Variants in ROBO2 observed in about 807,000 individuals in gnomAD.
ROBO2 encodes the protein roundabout guidance receptor 2.
A neutral mutation model predicts 160.8 loss-of-function variants in ROBO2; 53 were observed. The ratio of observed to expected loss-of-function variants is 0.33; its 90% confidence interval spans 0.26 to 0.41. ROBO2 has a LOEUF of 0.41. Among genes scored for constraint, ROBO2 ranks in the 10% least tolerant of loss-of-function variants. The probability of loss-of-function intolerance (pLI) is 1.00; values close to 1 mark genes in which losing one functional copy is unlikely to be tolerated. For synonymous variants in ROBO2, 664 were observed against 611.7 expected (o/e 1.09, Z -1.26); for missense variants, 1,577 against 1,722.4 (o/e 0.92, Z 1.49).
intron 2 of ROBO2, among the ~76,000 whole-genome samples, chr3:76,040,167 T>A (rs183782895): frequency 3.2e-4 from 49 of 152,070 alleles, no homozygotes; most frequent in East Asian, 1.9e-3. Flanking sequence ...ATTTTAGCAA[T>A]TATTTTAAGG....
intron 2 of ROBO2, among the ~76,000 whole-genome samples, chr3:76,090,288 C>G (rs1351669093): frequency 6.6e-6 from 1 of 151,896 alleles, no homozygotes; most frequent in African/African-American, 2.4e-5. Context: ...TGGTGAAACT[C>G]CATCTCCAGT....
chr3:76,815,783 A>T (rs1209440208), intron 2 of ROBO2, among the ~76,000 whole-genome samples: 1 of 151,964 alleles, frequency 6.6e-6, no homozygotes, highest in Non-Finnish European at 1.5e-5. Context: ...AACAACTATA[A>T]TGATCTGTTT....
intron 5 of ROBO2, among the ~76,000 whole-genome samples, chr3:77,504,296 T>A (rs1008584723): frequency 6.6e-6 from 1 of 152,212 alleles, no homozygotes; most frequent in Non-Finnish European, 1.5e-5. Flanking sequence ...TTTATAAAGA[T>A]GATCTGGTTG....
rs9823868 is a variant in ROBO2, at chr3:76,727,172, T to G, written c.110-370842T>G. 8.0e-3 allele frequency among the ~76,000 whole-genome samples: 1,222 copies of G among 152,234 alleles called. 13 individuals carry two copies. The highest frequency in any genetic ancestry group is 0.026 in the African/African-American group (1,092 of 41,546). ...GTAACATAGAAAAAGCTGATGAACA[T>G]CTGTTTCTCTTTTCATGATGTTTTG... is the stretch of plus-strand genomic sequence containing the variant. On this transcript the variant is annotated intron_variant, in intron 2 of 26. Transcript: ENST00000487694.
chr3:76,047,663 G>C (rs1454280256), intron 2 of ROBO2, among the ~76,000 whole-genome samples: 2 of 152,208 alleles, frequency 1.3e-5, no homozygotes, highest in Non-Finnish European at 2.9e-5. Flanking sequence ...TTAATAAGAT[G>C]TAGATGTTCC....
intron 2 of ROBO2, among the ~76,000 whole-genome samples, chr3:77,252,831 A>AAAAAAAAATAT: frequency 4.0e-4 from 5 of 12,514 alleles, no homozygotes; most frequent in African/African-American, 7.9e-4. Flanking sequence ...AAAAAAAAAA[A>AAAAAAAAATAT]ATATATATAT....
In ROBO2 at chr3:76,209,457, G is replaced by A. The variant is rs908880488; in HGVS notation, c.109+271855G>A. Among the ~76,000 whole-genome samples, 7 of 151,822 alleles carry A rather than the reference G, an allele frequency of 4.6e-5. No individual in the cohort carries two copies. The East Asian group carries it at 5.8e-4, about 13-fold the overall frequency. ...GCAGCCAGTACATTATATAAATATC[G>A]AATAATTTATCTGTATGGTATAGGA... is the stretch of plus-strand genomic sequence containing the variant. On this transcript the variant is annotated intron_variant, in intron 2 of 26. Coordinates refer to the ROBO2 transcript ENST00000487694.
chr3:76,555,311 G>T, intron 2 of ROBO2, among the ~76,000 whole-genome samples: 1 of 148,834 alleles, frequency 6.7e-6, no homozygotes, highest in Non-Finnish European at 1.5e-5. Flanking sequence ...AGGTACCCAG[G>T]AGCATGTCAA....
chr3:77,158,033 T>C (rs12495280), intron 2 of ROBO2, among the ~76,000 whole-genome samples: 6,087 of 152,246 alleles, frequency 0.04, 172 homozygotes, highest in East Asian at 0.088. Flanking sequence ...GAAATGAATC[T>C]AATCTCATTC....
At chr3:77,394,211 G>A (rs1384414200) in intron 2 of ROBO2, among the ~76,000 whole-genome samples, 1 of 152,136 alleles carries the variant, frequency 6.6e-6, no homozygotes, top group East Asian at 1.9e-4. Context: ...TTTCCCTGCT[G>A]CCACTTAGAA....
intron 2 of ROBO2, among the ~76,000 whole-genome samples, chr3:76,746,542 G>T (rs2093895444): frequency 6.6e-6 from 1 of 152,048 alleles, no homozygotes; most frequent in South Asian, 2.1e-4. Flanking sequence ...GGTGTGAGAT[G>T]GTATCTCATT....
intron 2 of ROBO2, among the ~76,000 whole-genome samples, chr3:76,738,152 A>G (rs1353446539): frequency 6.6e-6 from 1 of 152,124 alleles, no homozygotes; most frequent in Non-Finnish European, 1.5e-5. Flanking sequence ...TAAAAAATAA[A>G]AAAAAGAGAA....
intron 2 of ROBO2, among the ~76,000 whole-genome samples, chr3:76,824,758 G>A (rs1222643146): frequency 9.2e-5 from 14 of 152,106 alleles, no homozygotes; most frequent in Admixed American, 5.9e-4. Flanking sequence ...TACTGCTTCC[G>A]AGGCTGAGAC....
intron 2 of ROBO2, among the ~76,000 whole-genome samples, chr3:77,427,476 T>G (rs1195358466): frequency 6.6e-6 from 1 of 152,226 alleles, no homozygotes; most frequent in African/African-American, 2.4e-5. Flanking sequence ...CACCTAGGAT[T>G]TGAACTCCTG....
intron 2 of ROBO2, among the ~76,000 whole-genome samples, chr3:76,079,597 C>T (rs2068752370): frequency 6.6e-6 from 1 of 151,658 alleles, no homozygotes; most frequent in African/African-American, 2.4e-5. Context: ...AATTCTCCCA[C>T]CTCAGCCTCC....
intron 2 of ROBO2, among the ~76,000 whole-genome samples, chr3:76,398,176 G>A (rs537531500): frequency 4.3e-4 from 66 of 152,036 alleles, no homozygotes; most frequent in African/African-American, 1.5e-3. Context: ...TCCTTTGTAG[G>A]GACATGGATG....
chr3:77,569,763 G>T (rs2093590980), intron 13 of ROBO2, among the ~76,000 whole-genome samples: 1 of 151,728 alleles, frequency 6.6e-6, no homozygotes. Context: ...ATTGTTCCAT[G>T]TTGTTACTCC....
chr3:76,834,062 TTTTCTTTCTTTC>T (rs71104628), intron 2 of ROBO2, among the ~76,000 whole-genome samples: 11 of 88,082 alleles, frequency 1.2e-4, no homozygotes, highest in African/African-American at 2.7e-4. Context: ...CCTTTCTTTC[TTTTCTTTCTTTC>T]TTTCTTTCTT....
At chr3:76,490,059 C>T (rs1170450832) in intron 2 of ROBO2, among the ~76,000 whole-genome samples, 2 of 152,176 alleles carry the variant, frequency 1.3e-5, no homozygotes, top group African/African-American at 4.8e-5. Flanking sequence ...GAATGCTCTC[C>T]TAAATGCCAA....
Sources: allele counts gnomAD v4.1 joint callset (sites outside exome capture counted in the v4.1 genomes callset), GRCh38; gene constraint gnomAD v4.1.1; transcripts MANE v1.5; gene names NCBI Gene and HGNC (gene_info 2026-07-23, HGNC 2026-07-21).